The following NOVA1 variants were observed in gnomAD, a reference collection of about 807,000 sequenced individuals.
NOVA1 encodes the protein NOVA alternative splicing regulator 1.
NOVA1 carries 7 observed loss-of-function variants against 38.0 expected under a neutral mutation model. The ratio of observed to expected loss-of-function variants is 0.18; its 90% CI spans 0.10 to 0.35. NOVA1 has a LOEUF of 0.35. Among genes scored for constraint, NOVA1 ranks in the 10% least tolerant of loss-of-function variants. The probability of loss-of-function intolerance (pLI) is 1.00; values close to 1 mark genes in which losing one functional copy is unlikely to be tolerated. For missense variants in NOVA1, 460 were observed against 616.0 expected, an observed-to-expected ratio of 0.75 and a Z score of 2.68; for synonymous variants, 270 against 232.5, an observed-to-expected ratio of 1.16 and a Z score of -1.47.
At chr14:26,504,592 A>G (rs178191) in intron 2 of NOVA1, among the ~76,000 whole-genome samples, 140,559 of 152,158 alleles carry the variant, frequency 0.92, 65,751 homozygotes, top group East Asian at 1. Flanking sequence ...GATCTAGAGA[A>G]CACCTATATT....
At chr14:26,468,426 C>T (rs1884322477) in intron 4 of NOVA1, among the ~76,000 whole-genome samples, 1 of 152,160 alleles carries the variant, frequency 6.6e-6, no homozygotes, top group Non-Finnish European at 1.5e-5. Context: ...TGATTGCAGC[C>T]CTGTGAGGTC....
chr14:26,522,280 ATTTCT>A (rs1389556668), intron 2 of NOVA1, among the ~76,000 whole-genome samples: 1 of 152,128 alleles, frequency 6.6e-6, no homozygotes, highest in Non-Finnish European at 1.5e-5. Flanking sequence ...AAATATGGAA[ATTTCT>A]TTTGAACTGC....
chr14:26,554,611 G>C (rs1054073597), intron 2 of NOVA1, among the ~76,000 whole-genome samples: 3 of 152,090 alleles, frequency 2.0e-5, no homozygotes, highest in African/African-American at 7.2e-5. Context: ...AAACAAAAAA[G>C]AGTGATTTGA....
chr14:26,493,193 T>C (rs1378566650), intron 2 of NOVA1, among the ~76,000 whole-genome samples: 2 of 152,176 alleles, frequency 1.3e-5, no homozygotes, highest in Non-Finnish European at 2.9e-5. Flanking sequence ...TTAAGAGTTA[T>C]AGGGGCTAAT....
intron 2 of NOVA1, among the ~76,000 whole-genome samples, chr14:26,571,567 T>C (rs904025476): frequency 6.6e-6 from 1 of 152,156 alleles, no homozygotes; most frequent in African/African-American, 2.4e-5. Context: ...GCGAGGAGGC[T>C]CCAGCAACCC....
chr14:26,478,432 G>A (rs1034820015), intron 3 of NOVA1, among the ~76,000 whole-genome samples: 4 of 151,800 alleles, frequency 2.6e-5, no homozygotes, highest in African/African-American at 4.8e-5. Flanking sequence ...TTTTCTCACA[G>A]AAATTACAAA....
At chr14:26,591,747 T>C (rs1488615324) in intron 2 of NOVA1, among the ~76,000 whole-genome samples, 2 of 151,614 alleles carry the variant, frequency 1.3e-5, no homozygotes, top group African/African-American at 4.8e-5. Flanking sequence ...GGGTCTTTCC[T>C]TCCCTACAAA....
At chr14:26,594,778 C>CACTA (rs10641529) in intron 2 of NOVA1, among the ~76,000 whole-genome samples, 148,716 of 152,128 alleles carry the variant, frequency 0.98, 72,772 homozygotes, top group Middle Eastern at 1. Flanking sequence ...TACTGTACTA[C>CACTA]ACTGTCAACA....
intron 1 of NOVA1, chr14:26,595,985 G>C (rs1029771459): frequency 8.5e-6 from 3 of 352,384 alleles, no homozygotes; most frequent in African/African-American, 6.6e-5. Context: ...TGTAAATAGT[G>C]ATGAGCTATA....
intron 2 of NOVA1, among the ~76,000 whole-genome samples, chr14:26,552,932 T>C (rs1044217414): frequency 6.6e-6 from 1 of 152,130 alleles, no homozygotes; most frequent in African/African-American, 2.4e-5. Flanking sequence ...GATAGGAACA[T>C]GCGATCAAAA....
chr14:26,594,947 CAACA>C (rs1894091302), intron 2 of NOVA1, among the ~76,000 whole-genome samples: 1 of 151,934 alleles, frequency 6.6e-6, no homozygotes, highest in Admixed American at 6.6e-5. Flanking sequence ...ACTCCAAGGC[CAACA>C]AACAAAGCAA....
At chr14:26,541,275 C>T (rs1890450200) in intron 2 of NOVA1, among the ~76,000 whole-genome samples, 1 of 151,868 alleles carries the variant, frequency 6.6e-6, no homozygotes, top group South Asian at 2.1e-4. Flanking sequence ...TTTGCACTTT[C>T]CCTGTAACAT....
chr14:26,566,043 A>C (rs1234994133), intron 2 of NOVA1, among the ~76,000 whole-genome samples: 1 of 152,178 alleles, frequency 6.6e-6, no homozygotes, highest in Non-Finnish European at 1.5e-5. Context: ...TTGGATACTA[A>C]AATTATATGA....
intron 2 of NOVA1, among the ~76,000 whole-genome samples, chr14:26,494,175 T>A (rs568912546): frequency 5.3e-5 from 8 of 152,218 alleles, no homozygotes; most frequent in Non-Finnish European, 1.2e-4. Context: ...CTTGGTTACC[T>A]CAAGTTTGAG....
chr14:26,510,328 A>C (rs909323070), intron 2 of NOVA1, among the ~76,000 whole-genome samples: 1 of 152,158 alleles, frequency 6.6e-6, no homozygotes, highest in Non-Finnish European at 1.5e-5. Context: ...TAGAATGTTA[A>C]ACGGTAAAAC....
intron 2 of NOVA1, among the ~76,000 whole-genome samples, chr14:26,547,768 C>A (rs1307746278): frequency 6.6e-6 from 1 of 152,024 alleles, no homozygotes; most frequent in Non-Finnish European, 1.5e-5. Flanking sequence ...TCGAATATTT[C>A]ATATATTGAT....
chr14:26,461,118 T>C (rs1162904269), intron 4 of NOVA1, among the ~76,000 whole-genome samples: 1 of 152,146 alleles, frequency 6.6e-6, no homozygotes, highest in Non-Finnish European at 1.5e-5. Context: ...GCCTACCAAG[T>C]GGTCCAGAGA....
At chr14:26,491,962 T>TA (rs149513133) in intron 2 of NOVA1, among the ~76,000 whole-genome samples, 2,872 of 140,476 alleles carry the variant, frequency 0.02, 37 homozygotes, top group East Asian at 0.061. Flanking sequence ...CCCATTTCTG[T>TA]AAAAAAAAAA....
chr14:26,484,178 T>C (rs1444412035), intron 2 of NOVA1, among the ~76,000 whole-genome samples: 2 of 151,962 alleles, frequency 1.3e-5, no homozygotes, highest in Non-Finnish European at 2.9e-5. Flanking sequence ...CTCACACCTG[T>C]AATCCCAGCA....
Sources: gnomAD v4.1 joint callset for allele counts (sites outside exome capture counted in the v4.1 genomes callset) on GRCh38, gnomAD v4.1.1 for gene constraint, MANE v1.5 for transcripts, NCBI Gene and HGNC (gene_info 2026-07-23, HGNC 2026-07-21) for gene names.